Variants in ADAT3 observed in about 807,000 individuals in gnomAD.
ADAT3 encodes the protein tRNA-specific adenosine-34 deaminase regulatory subunit ADAT3.
In ADAT3, 2 loss-of-function variants were observed where a neutral mutation model predicts 3.5. That is an observed-to-expected ratio of 0.57 (90% CI 0.23 to 1.79). The LOEUF is 1.79. Ranked by LOEUF, ADAT3 falls within the 40% of genes most tolerant of loss-of-function variation. The pLI is 0.18. For synonymous variants in ADAT3, 358 were observed against 270.3 expected, an observed-to-expected ratio of 1.32 and a Z score of -3.18; for missense variants, 735 against 571.4, an observed-to-expected ratio of 1.29 and a Z score of -2.92.
chr19:1,912,420 C>G lies in ADAT3; in HGVS notation c.373C>G (p.Leu125Val), dbSNP rs1389740757. ...PASGPRSLAELLPRPAVDPRG... is the reference protein window; with the variant it reads ...PASGPRSLAEVLPRPAVDPRG... ...CTCGGGCCCGCGCTCGCTGGCTGAG[C>G]TCCTGCCACGGCCGGCTGTGGACCC... The change falls in exon 2 of 2, where the codon CTC becomes GTC. Residue 125 changes from leucine (L) to valine (V), a missense_variant. Coordinates refer to ENST00000329478, the MANE Select transcript of ADAT3 (RefSeq NM_138422.4). 6.6e-7 allele frequency: 1 copy of G among 1,512,874 alleles called. No individual in the cohort carries two copies. The highest frequency in any genetic ancestry group is 8.8e-7 in the Non-Finnish European group (1 of 1,137,810). The allele number at this position is 1,512,874 out of a possible 1,614,324, so 93.7% of individuals were successfully genotyped here. A position where few individuals can be genotyped will look rare whatever the true frequency, so the allele number is the denominator to read the frequency against.
chr19:1,913,111 T>C lies in ADAT3; in HGVS notation c.1064T>C (p.Val355Ala). 6.3e-7 allele frequency: 1 copy of C among 1,591,218 alleles called. No individual in the cohort carries two copies. The highest frequency in any genetic ancestry group is 8.5e-7 in the Non-Finnish European group (1 of 1,173,648). Residue 355 changes from valine to alanine, a missense_variant, in exon 2 of 2, where the codon GTG becomes GCG. Val to Ala is a moderately conservative substitution (Grantham distance 64, BLOSUM62 0). Coordinates refer to ENST00000329478, the MANE Select transcript of ADAT3 (RefSeq NM_138422.4). ...LNHRFQVFRG[V>A]LEEQCRWLDP... ...CACCGCTTCCAGGTGTTCCGCGGGG[T>C]GCTGGAGGAGCAGTGCCGCTGGCTG...
intron 1 of ADAT3, among the ~76,000 whole-genome samples, chr19:1,907,837 G>A (rs892061249): frequency 1.3e-5 from 2 of 152,156 alleles, no homozygotes; most frequent in African/African-American, 4.8e-5. Context: ...GTCGCTGTGG[G>A]AGTGAGTCGT....
chr19:1,912,058 G>C lies in ADAT3; in HGVS notation c.11G>C (p.Cys4Ser), dbSNP rs2013480621. 7.0e-7 allele frequency: 1 copy of C among 1,431,622 alleles called. No individual in the cohort carries two copies. The highest frequency in any genetic ancestry group is 1.5e-5 in the African/African-American group (1 of 67,312). The allele number at this position is 1,431,622 out of a possible 1,614,324, so 88.7% of individuals were successfully genotyped here. A position where few individuals can be genotyped will look rare whatever the true frequency, so the allele number is the denominator to read the frequency against. The stretch of plus-strand genomic sequence containing the variant: ...GCCCGCAGCCGCCGGATGATCCTCT[G>C]CTCCCGTCTCTGTCTCCCACAGTCG... MILCSRLCLPQSAS... is the reference protein window; with the variant it reads MILSSRLCLPQSAS... Residue 4 changes from cysteine (C) to serine (S), a missense_variant, in exon 2 of 2, where the codon TGC becomes TCC. Cys to Ser is a moderately radical substitution (Grantham distance 112). Transcript: ENST00000329478.
At chr19:1,907,177 A>T (rs566648993) in intron 1 of ADAT3, 1 of 150,830 alleles carries the variant, frequency 6.6e-6, no homozygotes, top group African/African-American at 2.4e-5. Flanking sequence ...ACAGAGTGAG[A>T]CTGTCCCAAA....
At chr19:1,909,404 AC>A (rs995794857) in intron 1 of ADAT3, among the ~76,000 whole-genome samples, 2 of 152,092 alleles carry the variant, frequency 1.3e-5, no homozygotes, top group African/African-American at 4.8e-5. Context: ...TGGGGGCCCC[AC>A]CAGCCCTTCC....
At position 1,908,410 on chromosome 19, in the gene ADAT3, G is replaced by C; in HGVS notation, c.-159+2971G>C. On this transcript the variant is annotated intron_variant, in intron 1 of 1. Transcript: ENST00000329478. This position sits in a 1 kb window ranked among gnomAD's most constrained non-coding sequence, Gnocchi z 4.2. The stretch of plus-strand genomic sequence containing the variant: ...GGGGCGCCCCGGCGGCTGAGGCGTG[G>C]ACCAGGCAGTGCATGTCGAGGAGTA... 1 of 451,850 alleles carries C rather than the reference G, an allele frequency of 2.2e-6. No individual in the cohort carries two copies. Among genetic ancestry groups the C allele is most frequent in the Non-Finnish European group, 4.6e-6 (1 of 216,302 alleles). 28.0% of individuals were successfully genotyped at this position (451,850 alleles called of 1,614,324 possible).
chr19:1,912,189 C>T lies in ADAT3; in HGVS notation c.142C>T (p.Leu48=). 6.3e-7 allele frequency: 1 copy of T among 1,583,416 alleles called. No individual in the cohort carries two copies. ...GGCGCCGTGGCAGGCCCTCCCTGTC[C>T]TGTCCGAGAAGCAGTCAGGGGACGT... ...EPAPWQALPV[L]SEKQSGDVEL... is the part of the protein sequence containing the mutation. The change falls in exon 2 of 2, where the codon CTG becomes TTG. Residue 48 remains leucine (L), a synonymous_variant. Transcript: ENST00000329478.
chr19:1,908,461 A>G lies in ADAT3; in HGVS notation c.-159+3022A>G, dbSNP rs1224499621. On this transcript the variant is annotated intron_variant, in intron 1 of 1. Transcript: ENST00000329478. The surrounding 1 kb of genome is among the most constrained non-coding windows in gnomAD (Gnocchi z 4.2). ...GCACCCACAGCTGCGCGGCTGCGAA[A>G]TGATCCAGAGACACATCCCTGTCTG... The G allele has an allele frequency of 2.1e-6, 1 of 470,484 alleles. No individual in the cohort carries two copies. Among genetic ancestry groups the G allele is most frequent in the Non-Finnish European group, 4.4e-6 (1 of 226,838 alleles). The allele number at this position is 470,484 out of a possible 1,614,324, so 29.1% of individuals were successfully genotyped here. A position where few individuals can be genotyped will look rare whatever the true frequency, so the allele number is the denominator to read the frequency against.
rs149483810 is a variant in ADAT3 at position 1,913,261 on chromosome 19, C to T, written c.*110C>T. 5.6e-4 allele frequency: 788 copies of T among 1,404,836 alleles called. 4 individuals are homozygous for T. In the African/African-American group the frequency reaches 0.01, roughly 18 times the overall value. 87.0% of individuals were successfully genotyped at this position (1,404,836 alleles called of 1,614,324 possible). A position where few individuals can be genotyped will look rare whatever the true frequency, so the allele number is the denominator to read the frequency against. On this transcript the variant is annotated 3_prime_UTR_variant, in exon 2 of 2. Coordinates refer to ENST00000329478, the MANE Select transcript of ADAT3 (RefSeq NM_138422.4). ...CAAGCCTGACCGTGGATTTCAGGGA[C>T]ACATACCGCCTCCAGCGGGGAGCAC...
chr19:1,912,462 C>T lies in ADAT3; in HGVS notation c.415C>T (p.Pro139Ser). Reference protein sequence around the residue: ...PAVDPRGLGQPFLVPVPARPP... With the variant: ...PAVDPRGLGQSFLVPVPARPP... ...TGTGGACCCCCGCGGCCTGGGGCAA[C>T]CCTTCCTGGTGCCCGTGCCCGCCCG... Residue 139 changes from proline to serine, a missense_variant, in exon 2 of 2, where the codon CCC (proline) becomes TCC (serine). By Grantham distance (74) the Pro-to-Ser change is moderately conservative (BLOSUM62 -1). Coordinates refer to ENST00000329478, the MANE Select transcript of ADAT3 (RefSeq NM_138422.4). 2 of 1,505,124 alleles carry T rather than the reference C, an allele frequency of 1.3e-6. No homozygotes were observed. Among genetic ancestry groups the T allele is most frequent in the South Asian group, 1.2e-5 (1 of 80,882 alleles). 93.2% of individuals were successfully genotyped at this position (1,505,124 alleles called of 1,614,324 possible).
At position 1,913,324 on chromosome 19, in the gene ADAT3, T is replaced by C; in HGVS notation, c.*173T>C. ...CCGTGCGGATCGAGCTTTCCTGGACTCGGTCATTGGGGCCACCCCGTGCCA... is the reference window on the plus strand; with the variant it reads ...CCGTGCGGATCGAGCTTTCCTGGACCCGGTCATTGGGGCCACCCCGTGCCA... On this transcript the variant is annotated 3_prime_UTR_variant, in exon 2 of 2. Coordinates refer to ENST00000329478, the MANE Select transcript of ADAT3 (RefSeq NM_138422.4). 2.9e-6 allele frequency: 3 copies of C among 1,022,344 alleles called. No individual in the cohort carries two copies. Among genetic ancestry groups the C allele is most frequent in the Non-Finnish European group, 4.2e-6 (3 of 717,858 alleles). 63.3% of individuals were successfully genotyped at this position (1,022,344 alleles called of 1,614,324 possible). A position where few individuals can be genotyped will look rare whatever the true frequency, so the allele number is the denominator to read the frequency against.
Position 1,912,174 on chromosome 19 carries a change from C to T in ADAT3, c.127C>T (p.Gln43Ter). The T allele has an allele frequency of 6.3e-7, 1 of 1,577,150 alleles. No homozygotes were observed. Among genetic ancestry groups the T allele is most frequent in the Non-Finnish European group, 8.6e-7 (1 of 1,166,218 alleles). Reference protein sequence around the residue: ...GSPEPEPAPWQALPVLSEKQS... With the variant: ...GSPEPEPAPW ...CCCGGAGCCTGAGCCGGCGCCGTGG[C>T]AGGCCCTCCCTGTCCTGTCCGAGAA... The change falls in exon 2 of 2, where the codon CAG (glutamine) becomes TAG (stop). Residue 43 changes from glutamine (Q) to a stop codon, truncating the protein, a stop_gained. Transcript: ENST00000329478. LOFTEE classifies it low-confidence loss of function (END_TRUNC).
At chr19:1,906,187 C>G (rs2013103786) in intron 1 of ADAT3, 1 of 151,880 alleles carries the variant, frequency 6.6e-6, no homozygotes, top group Admixed American at 6.6e-5. Context: ...TGGTGAAACT[C>G]CATCTCTGCC....
chr19:1,909,664 A>C (rs2013332689), intron 1 of ADAT3, among the ~76,000 whole-genome samples: 1 of 152,184 alleles, frequency 6.6e-6, no homozygotes, highest in Non-Finnish European at 1.5e-5. Flanking sequence ...TTCTCACCCG[A>C]GAGCCGCCTT....
Position 1,912,826 on chromosome 19 carries a change from G to C in ADAT3, c.779G>C (p.Arg260Thr). ...CAGGGCCGCGGCACCTACGACTTCA[G>C]ACCCTTCCCCGCCTGCTCCTTCGCC... is the stretch of plus-strand genomic sequence containing the variant. ...RGQGRGTYDF[R>T]PFPACSFAPA... Residue 260 changes from arginine to threonine, a missense_variant, in exon 2 of 2, where the codon AGA becomes ACA. Arg to Thr is a moderately conservative substitution (Grantham distance 71). Transcript: ENST00000329478. The C allele has an allele frequency of 1.3e-6, 2 of 1,591,028 alleles. No individual in the cohort carries two copies. Among genetic ancestry groups the C allele is most frequent in the Non-Finnish European group, 1.7e-6 (2 of 1,175,646 alleles).
At position 1,913,339 on chromosome 19, in the gene ADAT3, AC is replaced by A. The variant is rs2063169288; in HGVS notation, c.*192del. On this transcript the variant is annotated 3_prime_UTR_variant, in exon 2 of 2. Transcript: ENST00000329478. ...TTTCCTGGACTCGGTCATTGGGGCC[AC>A]CCCGTGCCAGCGGTGCCCTTCTGCG... is the stretch of plus-strand genomic sequence containing the variant. The A allele has an allele frequency of 1.1e-6, 1 of 874,938 alleles. No homozygotes were observed. 54.2% of individuals were successfully genotyped at this position (874,938 alleles called of 1,614,324 possible).
intron 1 of ADAT3, among the ~76,000 whole-genome samples, chr19:1,909,335 C>T (rs932017230): frequency 2.6e-5 from 4 of 152,218 alleles, no homozygotes; most frequent in Non-Finnish European, 5.9e-5. Flanking sequence ...GCCTGCCTCT[C>T]TGCTGTGCTG....
At position 1,912,692 on chromosome 19, in the gene ADAT3, A is replaced by AGTGGACCCGGCC; in HGVS notation, c.646_657dup (p.Val216_Ala219dup). The AGTGGACCCGGCC allele has an allele frequency of 6.8e-7, 1 of 1,474,418 alleles. No homozygotes were observed. Among genetic ancestry groups the AGTGGACCCGGCC allele is most frequent in the South Asian group, 1.3e-5 (1 of 76,666 alleles). 91.3% of individuals were successfully genotyped at this position (1,474,418 alleles called of 1,614,324 possible). A position where few individuals can be genotyped will look rare whatever the true frequency, so the allele number is the denominator to read the frequency against. ...GCTTGCGGGCCGTGGGGGCCGTGGT[A>AGTGGACCCGGCC]GTGGACCCGGCCTCGGACCGCGTGC... On this transcript the variant is annotated inframe_insertion, in exon 2 of 2. Coordinates refer to ENST00000329478, the MANE Select transcript of ADAT3 (RefSeq NM_138422.4).
intron 1 of ADAT3, among the ~76,000 whole-genome samples, chr19:1,910,106 A>G (rs1443152602): frequency 6.6e-6 from 1 of 152,050 alleles, no homozygotes; most frequent in Non-Finnish European, 1.5e-5. Flanking sequence ...GGCTTAATAC[A>G]ACACCCGCCA....
Sources: gnomAD v4.1 joint callset for allele counts (sites outside exome capture counted in the v4.1 genomes callset) on GRCh38, gnomAD v4.1.1 for gene constraint, Gnocchi (gnomAD v3.1) non-coding constraint, MANE v1.5 for transcripts, NCBI Gene and HGNC (gene_info 2026-07-23, HGNC 2026-07-21) for gene names.